The following PRDM10 variants were observed in gnomAD, a reference collection of about 807,000 sequenced individuals.
PRDM10 encodes PR/SET domain 10, also known as PR domain zinc finger protein 10.
Under a neutral mutation model 133.1 loss-of-function variants are expected in PRDM10, and 65 were observed. That is an observed-to-expected ratio of 0.49 (90% CI 0.40 to 0.60). The LOEUF is 0.60. Among genes scored for constraint, PRDM10 ranks in the 20% least tolerant of loss-of-function variants. PRDM10 has a pLI of 0.00. For synonymous variants in PRDM10, 582 were observed against 580.4 expected (o/e 1.00, Z -0.04); for missense variants, 1,137 against 1,507.1 (o/e 0.75, Z 4.07).
intron 1 of PRDM10, among the ~76,000 whole-genome samples, chr11:129,986,501 C>T (rs541748617): frequency 6.6e-6 from 1 of 152,280 alleles, no homozygotes; most frequent in African/African-American, 2.4e-5. Flanking sequence ...GCAATTGAAC[C>T]TCAGAAACAC....
chr11:129,971,193 T>G (rs1185673856), intron 1 of PRDM10, among the ~76,000 whole-genome samples: 2 of 152,080 alleles, frequency 1.3e-5, no homozygotes, highest in East Asian at 3.9e-4. Flanking sequence ...GAAAGAGCAG[T>G]AGCAAAATAT....
At position 129,918,789 on chromosome 11, in the gene PRDM10, T is replaced by A; in HGVS notation, c.2035-71A>T. 2.9e-6 allele frequency: 4 copies of A among 1,395,166 alleles called. No homozygotes were observed. Among genetic ancestry groups the A allele is most frequent in the Non-Finnish European group, 3.9e-6 (4 of 1,015,684 alleles). The allele number at this position is 1,395,166 out of a possible 1,614,324, so 86.4% of individuals were successfully genotyped here. On this transcript the variant is annotated intron_variant, in intron 13 of 20. Transcript: ENST00000360871. The surrounding 1 kb of genome is among the most constrained non-coding windows in gnomAD (Gnocchi z 5.3). ...AAATTTTTAACTGAAGGGATCATTT[T>A]AAAAATCAATACAAATTAGCAGTCA...
intron 1 of PRDM10, among the ~76,000 whole-genome samples, chr11:129,984,743 C>G (rs1360501668): frequency 6.6e-6 from 1 of 152,226 alleles, no homozygotes; most frequent in African/African-American, 2.4e-5. Flanking sequence ...GGTGGCTTGA[C>G]CTCCACAGGT....
chr11:129,994,407 A>T (rs1225969013), intron 1 of PRDM10, among the ~76,000 whole-genome samples: 1 of 147,462 alleles, frequency 6.8e-6, no homozygotes, highest in Non-Finnish European at 1.5e-5. Flanking sequence ...CAGAGGTTGC[A>T]GTGAGCCGAG....
chr11:129,986,303 C>T (rs961714530), intron 1 of PRDM10, among the ~76,000 whole-genome samples: 6 of 152,158 alleles, frequency 3.9e-5, no homozygotes, highest in Non-Finnish European at 5.9e-5. Context: ...TATGTCATAG[C>T]TGGGGCCTTA....
chr11:129,912,722 A>C (rs1950227626), intron 17 of PRDM10, among the ~76,000 whole-genome samples: 1 of 149,200 alleles, frequency 6.7e-6, no homozygotes, highest in Admixed American at 6.7e-5. Context: ...ACTGCACTCC[A>C]GCCTGGGCGA....
intron 1 of PRDM10, among the ~76,000 whole-genome samples, chr11:129,967,834 G>A (rs1951938490): frequency 6.6e-6 from 1 of 152,120 alleles, no homozygotes; most frequent in Admixed American, 6.5e-5. Flanking sequence ...AGACAATGGA[G>A]TATCCCAGTG....
intron 1 of PRDM10, among the ~76,000 whole-genome samples, chr11:130,000,594 C>T (rs1939298878): frequency 6.6e-6 from 1 of 152,008 alleles, no homozygotes; most frequent in African/African-American, 2.4e-5. Flanking sequence ...GAGCATGCTA[C>T]AAAATATTAG....
intron 7 of PRDM10, 139 bp downstream of exon 7, chr11:129,942,287 T>G: frequency 4.2e-6 from 3 of 721,056 alleles, no homozygotes; most frequent in Non-Finnish European, 6.8e-6. Context: ...AGCTACTCAA[T>G]AAGTATGTGA....
intron 19 of PRDM10, among the ~76,000 whole-genome samples, chr11:129,909,114 G>C (rs1439385646): frequency 6.6e-6 from 1 of 152,086 alleles, no homozygotes; most frequent in East Asian, 1.9e-4. Flanking sequence ...GTCCCTGACT[G>C]GAAACTAGAC....
intron 8 of PRDM10, among the ~76,000 whole-genome samples, chr11:129,936,688 T>G (rs2135837430): frequency 6.6e-6 from 1 of 151,734 alleles, no homozygotes; most frequent in South Asian, 2.1e-4. Context: ...CCGAGTTCTG[T>G]GAGTCATTCT....
intron 1 of PRDM10, among the ~76,000 whole-genome samples, chr11:129,966,146 AG>A (rs1951902861): frequency 6.6e-6 from 1 of 152,144 alleles, no homozygotes; most frequent in African/African-American, 2.4e-5. Context: ...CGGGAGGCTG[AG>A]GCGGGAGAAT....
intron 20 of PRDM10, among the ~76,000 whole-genome samples, chr11:129,904,753 GC>G (rs928912035): frequency 1.8e-4 from 27 of 152,176 alleles, no homozygotes; most frequent in African/African-American, 6.0e-4. Flanking sequence ...GCCTGCCTTG[GC>G]CCCCCAAAGT....
intron 1 of PRDM10, among the ~76,000 whole-genome samples, chr11:129,963,112 A>G (rs1346519222): frequency 6.6e-6 from 1 of 151,418 alleles, no homozygotes. Flanking sequence ...TCACACCACT[A>G]TACTCCTGCA....
At chr11:129,933,321 T>G (rs1565474790) in intron 9 of PRDM10, among the ~76,000 whole-genome samples, 1 of 152,094 alleles carries the variant, frequency 6.6e-6, no homozygotes, top group Non-Finnish European at 1.5e-5. Flanking sequence ...ATAACCCAAT[T>G]CCAACATTTT....
At chr11:129,981,233 T>C (rs1938094083) in intron 1 of PRDM10, among the ~76,000 whole-genome samples, 1 of 152,132 alleles carries the variant, frequency 6.6e-6, no homozygotes, top group Admixed American at 6.6e-5. Context: ...TGGTTGTACA[T>C]ACCTATAAGT....
chr11:129,947,096 A>G lies in PRDM10; in HGVS notation c.520+49T>C, dbSNP rs34161604. 0.13 allele frequency: 203,371 copies of G among 1,599,656 alleles called. 20,099 individuals are homozygous for G. Among genetic ancestry groups the G allele is most frequent in the East Asian group, 0.48 (21,628 of 44,736 alleles). On this transcript the variant is annotated intron_variant, in intron 5 of 20. Transcript: ENST00000360871. This position sits in a 1 kb window ranked among gnomAD's most constrained non-coding sequence, Gnocchi z 4.6. The stretch of plus-strand genomic sequence containing the variant: ...CACACACACGCACACGTACACAGAC[A>G]CACAAGATGGACACAGCTTCCCTGG...
intron 1 of PRDM10, among the ~76,000 whole-genome samples, chr11:129,991,829 A>AAAG (rs1383730681): frequency 6.6e-6 from 1 of 151,100 alleles, no homozygotes; most frequent in East Asian, 1.9e-4. Flanking sequence ...AAAAAAAAAA[A>AAAG]AAAAAGTAAC....
chr11:130,002,562 C>CA (rs1186106783), intron 1 of PRDM10, among the ~76,000 whole-genome samples, 160 bp downstream of exon 1: 2 of 152,020 alleles, frequency 1.3e-5, no homozygotes, highest in African/African-American at 4.8e-5. Context: ...ATTCCCCCCC[C>CA]ACCCGGGTCC....
Sources: allele counts gnomAD v4.1 joint callset (sites outside exome capture counted in the v4.1 genomes callset), GRCh38; gene constraint gnomAD v4.1.1; non-coding constraint Gnocchi (gnomAD v3.1); transcripts MANE v1.5; gene names NCBI Gene and HGNC (gene_info 2026-07-23, HGNC 2026-07-21).